HHAT: variants seen among roughly 807,000 people sequenced by gnomAD.
The protein encoded by HHAT is protein-cysteine N-palmitoyltransferase HHAT.
A neutral mutation model predicts 70.8 loss-of-function variants in HHAT; 47 were observed. The ratio of observed to expected loss-of-function variants is 0.66; its 90% CI spans 0.53 to 0.85. The LOEUF is 0.85. Ranked by LOEUF, HHAT falls within the 40% of genes least tolerant of loss-of-function variation. The pLI is 0.00. For missense variants in HHAT, 609 were observed against 604.8 expected (o/e 1.01, Z -0.07); for synonymous variants, 228 against 247.6 (o/e 0.92, Z 0.74).
At chr1:210,470,187 C>T (rs11119509) in intron 8 of HHAT, among the ~76,000 whole-genome samples, 13,852 of 152,054 alleles carry the variant, frequency 0.091, 686 homozygotes, top group South Asian at 0.12. Flanking sequence ...AAGAAAGACC[C>T]GATAGGGTGC....
At chr1:210,540,394 ATAT>A (rs941978760) in intron 9 of HHAT, among the ~76,000 whole-genome samples, 2 of 152,006 alleles carry the variant, frequency 1.3e-5, no homozygotes, top group African/African-American at 2.4e-5. Context: ...AAATACCAAA[ATAT>A]TATGTGGTTT....
chr1:210,400,331 T>G, intron 4 of HHAT, 137 bp from the exon 5 acceptor site: 1 of 769,666 alleles, frequency 1.3e-6, no homozygotes, highest in Non-Finnish European at 2.0e-6. Flanking sequence ...GTGATAAGAG[T>G]TTCTTTATTG....
chr1:210,333,986 T>C (rs1052959270), intron 1 of HHAT, among the ~76,000 whole-genome samples: 3 of 151,952 alleles, frequency 2.0e-5, no homozygotes, highest in African/African-American at 7.3e-5. Context: ...TGAGTCGTTG[T>C]CCACATCTAT....
At chr1:210,515,678 A>G (rs1380971035) in intron 9 of HHAT, among the ~76,000 whole-genome samples, 1 of 150,646 alleles carries the variant, frequency 6.6e-6, no homozygotes, top group African/African-American at 2.4e-5. Flanking sequence ...GAATGGCATG[A>G]ACCTGGGAGG....
At chr1:210,375,038 G>C (rs1429343282) in intron 3 of HHAT, among the ~76,000 whole-genome samples, 2 of 152,180 alleles carry the variant, frequency 1.3e-5, no homozygotes, top group Non-Finnish European at 2.9e-5. Flanking sequence ...TCAAACCCAG[G>C]AACTTGACAT....
At chr1:210,546,738 G>T (rs934816297) in intron 9 of HHAT, among the ~76,000 whole-genome samples, 1 of 152,214 alleles carries the variant, frequency 6.6e-6, no homozygotes, top group African/African-American at 2.4e-5. Flanking sequence ...AAGCAAGGCA[G>T]TGGTTGCAGT....
intron 9 of HHAT, among the ~76,000 whole-genome samples, chr1:210,582,606 C>T (rs112914799): frequency 4.9e-4 from 75 of 152,262 alleles, no homozygotes; most frequent in African/African-American, 1.4e-3. Flanking sequence ...CACTGTAGGG[C>T]GTATATTTGT....
chr1:210,592,920 T>C (rs1662082981), intron 10 of HHAT, among the ~76,000 whole-genome samples: 1 of 151,620 alleles, frequency 6.6e-6, no homozygotes, highest in Non-Finnish European at 1.5e-5. Context: ...CGGGTGCATA[T>C]GCACAAGGTG....
At chr1:210,421,095 C>CA (rs1478985955) in intron 7 of HHAT, among the ~76,000 whole-genome samples, 2 of 152,078 alleles carry the variant, frequency 1.3e-5, no homozygotes, top group Non-Finnish European at 1.5e-5. Context: ...CAATCCCTAT[C>CA]AAAGTACCAG....
intron 8 of HHAT, among the ~76,000 whole-genome samples, chr1:210,472,839 A>G (rs922581018): frequency 1.1e-4 from 17 of 152,188 alleles, no homozygotes; most frequent in African/African-American, 4.1e-4. Context: ...GGGGGCTTAC[A>G]GGTCATAGGT....
At chr1:210,611,410 C>G (rs1020582692) in intron 10 of HHAT, among the ~76,000 whole-genome samples, 2 of 152,110 alleles carry the variant, frequency 1.3e-5, no homozygotes, top group African/African-American at 4.8e-5. Flanking sequence ...AGCTTTTGGG[C>G]TGAGATGATG....
At chr1:210,593,607 A>G (rs756205921) in intron 10 of HHAT, among the ~76,000 whole-genome samples, 3 of 152,174 alleles carry the variant, frequency 2.0e-5, no homozygotes, top group Non-Finnish European at 2.9e-5. Context: ...TATCCTTGAT[A>G]AAGATCCATA....
chr1:210,614,148 T>A (rs1210991050), intron 10 of HHAT, among the ~76,000 whole-genome samples: 1 of 152,146 alleles, frequency 6.6e-6, no homozygotes, highest in Non-Finnish European at 1.5e-5. Flanking sequence ...TTAAGTTTAT[T>A]CCTAAGTATT....
At chr1:210,440,301 C>A (rs979028413) in intron 7 of HHAT, among the ~76,000 whole-genome samples, 3 of 151,700 alleles carry the variant, frequency 2.0e-5, no homozygotes, top group Admixed American at 6.6e-5. Context: ...GAGGGCCTGA[C>A]AGAGGGAGGA....
chr1:210,572,140 C>A (rs181863026), intron 9 of HHAT, among the ~76,000 whole-genome samples: 29 of 152,310 alleles, frequency 1.9e-4, no homozygotes, highest in Non-Finnish European at 4.0e-4. Flanking sequence ...CAAGCATTAT[C>A]AGTTTTCCTT....
intron 6 of HHAT, among the ~76,000 whole-genome samples, chr1:210,411,129 G>C (rs1165862983): frequency 6.6e-6 from 1 of 152,174 alleles, no homozygotes; most frequent in African/African-American, 2.4e-5. Flanking sequence ...TGATTGCCTG[G>C]AGCTGAGAGG....
chr1:210,621,774 C>G (rs1668870819), intron 10 of HHAT, among the ~76,000 whole-genome samples: 1 of 152,166 alleles, frequency 6.6e-6, no homozygotes, highest in Admixed American at 6.5e-5. Context: ...CTGGTGGCCT[C>G]TAAGTAGAGA....
In HHAT at chr1:210,675,236, A is replaced by G. The variant is rs1680922698; in HGVS notation, c.*857A>G. 6.6e-6 allele frequency: 1 copy of G among 152,208 alleles called. No homozygotes were observed. Among genetic ancestry groups the G allele is most frequent in the South Asian group, 2.1e-4 (1 of 4,834 alleles). The allele number at this position is 152,208 out of a possible 1,614,324, so 9.4% of individuals were successfully genotyped here. A position where few individuals can be genotyped will look rare whatever the true frequency, so the allele number is the denominator to read the frequency against. ...AGTCTCAAAAGTCATCCTCCTACTC[A>G]GTGATTCACGTTTAGTGGTTTATAT... On this transcript the variant is annotated 3_prime_UTR_variant, in exon 12 of 12. Transcript: ENST00000261458.
chr1:210,558,326 T>C (rs1263119538), intron 9 of HHAT, among the ~76,000 whole-genome samples: 2 of 152,196 alleles, frequency 1.3e-5, no homozygotes, highest in Admixed American at 1.3e-4. Flanking sequence ...GGCTGGTAAC[T>C]CTTTTGCAAA....
Sources: gnomAD v4.1 joint callset for allele counts (sites outside exome capture counted in the v4.1 genomes callset) on GRCh38, gnomAD v4.1.1 for gene constraint, MANE v1.5 for transcripts, NCBI Gene and HGNC (gene_info 2026-07-23, HGNC 2026-07-21) for gene names.